The following ALDH4A1 variants were observed in gnomAD, a reference collection of about 807,000 sequenced individuals.
The protein encoded by ALDH4A1 is delta-1-pyrroline-5-carboxylate dehydrogenase, mitochondrial.
A neutral mutation model predicts 70.5 loss-of-function variants in ALDH4A1; 46 were observed. The ratio of observed to expected loss-of-function variants is 0.65; its 90% CI spans 0.51 to 0.83. The LOEUF is 0.83. ALDH4A1 is among the 40% of genes least tolerant of loss of function. The pLI is 0.00. For missense variants in ALDH4A1, 749 were observed against 766.5 expected, an observed-to-expected ratio of 0.98 and a Z score of 0.27; for synonymous variants, 323 against 324.3, an observed-to-expected ratio of 1.00 and a Z score of 0.04.
chr1:18,894,526 G>A (rs1408580739), intron 1 of ALDH4A1, among the ~76,000 whole-genome samples: 1 of 152,226 alleles, frequency 6.6e-6, no homozygotes, highest in African/African-American at 2.4e-5. Flanking sequence ...CTGGGCAAGA[G>A]AGCAAGACTC....
chr1:18,902,333 C>G, intron 1 of ALDH4A1, 129 bp downstream of exon 1: 1 of 724,722 alleles, frequency 1.4e-6, no homozygotes, highest in Non-Finnish European at 2.0e-6. Context: ...CCCTGAGGAA[C>G]CCGGCGTTGA....
chr1:18,885,427 T>TCCCACCCCCCCCCCC, intron 5 of ALDH4A1, 46 bp downstream of exon 5: 1 of 650,922 alleles, frequency 1.5e-6, no homozygotes, highest in African/African-American at 1.9e-5. Context: ...CACACCTGAC[T>TCCCACCCCCCCCCCC]CCCACCCCAC....
chr1:18,875,530 C>G (rs1245368364), intron 12 of ALDH4A1, 27 bp from the exon 13 acceptor site: 2 of 1,613,754 alleles, frequency 1.2e-6, no homozygotes, highest in Admixed American at 1.7e-5. Flanking sequence ...GGCGTCAGAC[C>G]CTCCACGGGA....
intron 1 of ALDH4A1, chr1:18,890,931 T>G: frequency 2.0e-6 from 2 of 981,188 alleles, no homozygotes; most frequent in Non-Finnish European, 2.4e-6. Context: ...ATGTCCAAGA[T>G]GTGGACCATG....
intron 3 of ALDH4A1, among the ~76,000 whole-genome samples, chr1:18,887,600 GAA>G (rs56794059): frequency 1.4e-5 from 2 of 146,514 alleles, no homozygotes; most frequent in African/African-American, 5.0e-5. Flanking sequence ...CTCCGTCTCA[GAA>G]AAAAAAAAAC....
rs1205318938 is a variant in ALDH4A1 at position 18,898,127 on chromosome 1, C to T, written c.62+4335G>A. 2.0e-5 allele frequency among the ~76,000 whole-genome samples: 3 copies of T among 151,728 alleles called. No homozygotes were observed. Among genetic ancestry groups the T allele is most frequent in the Non-Finnish European group, 2.9e-5 (2 of 67,942 alleles). On this transcript the variant is annotated intron_variant, in intron 1 of 14. Coordinates refer to ENST00000375341, the MANE Select transcript of ALDH4A1 (RefSeq NM_003748.4). The surrounding 1 kb of genome is among the most constrained non-coding windows in gnomAD (Gnocchi z 4.3). ...GCCCAGGAGGTTGAGATCATCCTGG[C>T]CAACATGGTGAAACCCCGTCTCTAC...
rs917528194 is a variant in ALDH4A1 at position 18,871,430 on chromosome 1, T to C, written c.*1415A>G. Reference sequence around the variant, plus strand: ...CCAGAAAGACCATCCACCACTGTGATTAAGTAACAGGCATTTTATTGGGTG... The same window carrying C: ...CCAGAAAGACCATCCACCACTGTGACTAAGTAACAGGCATTTTATTGGGTG... On this transcript the variant is annotated 3_prime_UTR_variant, in exon 15 of 15. Coordinates refer to ENST00000375341, the MANE Select transcript of ALDH4A1 (RefSeq NM_003748.4). 1 of 152,294 alleles carries C rather than the reference T, an allele frequency of 6.6e-6. No homozygotes were observed. Among genetic ancestry groups the C allele is most frequent in the African/African-American group, 2.4e-5 (1 of 41,452 alleles). The allele number at this position is 152,294 out of a possible 1,614,324, so 9.4% of individuals were successfully genotyped here.
rs371605425 is a variant in ALDH4A1, at chr1:18,881,657, C to T, written c.866+43G>A. The T allele has an allele frequency of 3.8e-4, 615 of 1,612,070 alleles. 5 individuals are homozygous for T. In the East Asian group the frequency reaches 6.8e-3, roughly 18 times the overall value. On this transcript the variant is annotated intron_variant, in intron 8 of 14. Coordinates refer to ENST00000375341, the MANE Select transcript of ALDH4A1 (RefSeq NM_003748.4). ...GGCAGACAGCAGGTGAGCAGGTGAA[C>T]GTCCCCTAGCCACCACAGCCTACAC... is the stretch of plus-strand genomic sequence containing the variant.
intron 4 of ALDH4A1, among the ~76,000 whole-genome samples, chr1:18,885,987 T>C (rs1446588110): frequency 6.6e-6 from 1 of 152,162 alleles, no homozygotes; most frequent in Non-Finnish European, 1.5e-5. Flanking sequence ...TGAGGTCAAC[T>C]GGAGCCTGAG....
Position 18,883,630 on chromosome 1 carries a change from G to A in ALDH4A1, c.454-202C>T, listed in dbSNP as rs370877309. ...CCCTGAGCTAGCACCTCCTGTAGCC[G>A]GCCCTCTGGGCTGGACGGGGATCAG... On this transcript the variant is annotated intron_variant, in intron 5 of 14. Transcript: ENST00000375341. Among the ~76,000 whole-genome samples, 30 of 152,356 alleles carry A rather than the reference G, an allele frequency of 2.0e-4. No homozygotes were observed. The East Asian group carries it at 4.6e-3, about 24-fold the overall frequency.
intron 1 of ALDH4A1, among the ~76,000 whole-genome samples, chr1:18,897,985 G>A (rs769546617): frequency 2.0e-5 from 3 of 152,146 alleles, no homozygotes; most frequent in Non-Finnish European, 4.4e-5. Context: ...AAGAAAGGGA[G>A]AAGTCTTTTC....
intron 1 of ALDH4A1, among the ~76,000 whole-genome samples, chr1:18,896,394 C>A (rs750669726): frequency 1.2e-4 from 18 of 152,200 alleles, no homozygotes; most frequent in Non-Finnish European, 2.1e-4. Flanking sequence ...GACACTGGCC[C>A]CTTGGGTTCC....
chr1:18,878,647 A>G (rs1280280932), intron 9 of ALDH4A1, among the ~76,000 whole-genome samples: 2 of 152,182 alleles, frequency 1.3e-5, no homozygotes, highest in Non-Finnish European at 2.9e-5. Context: ...CCATGGCCCA[A>G]TGCGTGTGGG....
intron 1 of ALDH4A1, chr1:18,897,296 G>A (rs369967720): frequency 2.6e-4 from 81 of 311,928 alleles, no homozygotes; most frequent in African/African-American, 1.1e-3. Flanking sequence ...TAATCCCAGC[G>A]CTTTGGGAGG....
rs1934937482 is a variant in ALDH4A1 at position 18,880,796 on chromosome 1, G to A, written c.866+904C>T. 6.6e-6 allele frequency among the ~76,000 whole-genome samples: 1 copy of A among 152,170 alleles called. No homozygotes were observed. On this transcript the variant is annotated intron_variant, in intron 8 of 14. Transcript: ENST00000375341. This position sits in a 1 kb window ranked among gnomAD's most constrained non-coding sequence, Gnocchi z 5.1. ...TACAAAGTTGGGCCATCACTGTTAG[G>A]AGTCAAAGAAAGTAGAGCCTCTTGC...
In ALDH4A1 at chr1:18,876,466, G is replaced by A; in HGVS notation, c.1187C>T (p.Ser396Phe). ...TFFSAVIDAK[S>F]FARIKKWLEH... The stretch of plus-strand genomic sequence containing the variant: ...CAGCCACTTCTTGATACGGGCAAAG[G>A]ACTGGGGTGGGCAGGGAGGAGGGAG... The change falls in exon 12 of 15, where the codon TCC becomes TTC. Residue 396 changes from serine (S) to phenylalanine (F), a missense_variant and splice_region_variant. Ser to Phe is a radical substitution (Grantham distance 155). Transcript: ENST00000375341. 1.3e-6 allele frequency: 2 copies of A among 1,590,080 alleles called. No homozygotes were observed. The highest frequency in any genetic ancestry group is 1.7e-6 in the Non-Finnish European group (2 of 1,170,970).
At chr1:18,876,948 C>T (rs1934718961) in intron 11 of ALDH4A1, among the ~76,000 whole-genome samples, 1 of 152,170 alleles carries the variant, frequency 6.6e-6, no homozygotes, top group African/African-American at 2.4e-5. Context: ...CACAAACACA[C>T]GTGTACATGC....
At chr1:18,883,755 G>A (rs1475882453) in intron 5 of ALDH4A1, among the ~76,000 whole-genome samples, 1 of 152,196 alleles carries the variant, frequency 6.6e-6, no homozygotes, top group Admixed American at 6.5e-5. Context: ...AGGATCTATG[G>A]TCAAGCCTCA....
At chr1:18,877,711 A>ACACGAG (rs1934778317) in intron 9 of ALDH4A1, 99 bp from the exon 10 acceptor site, 2 of 1,416,094 alleles carry the variant, frequency 1.4e-6, no homozygotes, top group Non-Finnish European at 1.9e-6. Context: ...CCCGGGACCA[A>ACACGAG]CACGAGCACG....
Sources: gnomAD v4.1 joint callset for allele counts (sites outside exome capture counted in the v4.1 genomes callset) on GRCh38, gnomAD v4.1.1 for gene constraint, Gnocchi (gnomAD v3.1) non-coding constraint, MANE v1.5 for transcripts, NCBI Gene and HGNC (gene_info 2026-07-23, HGNC 2026-07-21) for gene names.